Variants in NUP93 observed in about 807,000 individuals in gnomAD.
The protein encoded by NUP93 is nuclear pore complex protein Nup93.
A neutral mutation model predicts 107.8 loss-of-function variants in NUP93; 55 were observed. The observed-to-expected ratio is 0.51, with a 90% CI of 0.41 to 0.64. The LOEUF is 0.64. Ranked by LOEUF, NUP93 falls within the 30% of genes least tolerant of loss-of-function variation. The pLI is 0.00. For missense variants in NUP93, 937 were observed against 1,044.7 expected (o/e 0.90, Z 1.42); for synonymous variants, 390 against 397.5 (o/e 0.98, Z 0.22).
chr16:56,810,659 T>A lies in NUP93; in HGVS notation c.489+5027T>A, dbSNP rs185367309. Among the ~76,000 whole-genome samples the A allele has an allele frequency of 2.0e-3, 304 of 152,138 alleles. 1 individual carries two copies. Among genetic ancestry groups the A allele is most frequent in the African/African-American group, 6.9e-3 (287 of 41,510 alleles). On this transcript the variant is annotated intron_variant, in intron 5 of 21. Coordinates refer to ENST00000308159, the MANE Select transcript of NUP93 (RefSeq NM_014669.5). ...GACTCTGTCTCAAAAAATTAAAAAATTTTTAAAAAGTGTACAACTCAATGA... is the reference window on the plus strand; with the variant it reads ...GACTCTGTCTCAAAAAATTAAAAAAATTTTAAAAAGTGTACAACTCAATGA...
At position 56,832,350 on chromosome 16, in the gene NUP93, C is replaced by T; in HGVS notation, c.1307C>T (p.Thr436Ile). Residue 436 changes from threonine (T) to isoleucine (I), a missense_variant, in exon 12 of 22, where the codon ACT becomes ATT. Physicochemically the swap from Thr to Ile is moderately conservative, Grantham distance 89 (BLOSUM62 -1). Coordinates refer to ENST00000308159, the MANE Select transcript of NUP93 (RefSeq NM_014669.5). ...ACCAGCTCCCCACAAGACAGGCTCACTCTCTCACAGTTCCAGAAGCAGTTG... is the reference window on the plus strand; with the variant it reads ...ACCAGCTCCCCACAAGACAGGCTCATTCTCTCACAGTTCCAGAAGCAGTTG... The part of the protein sequence containing the change: ...DGTSSPQDRL[T>I]LSQFQKQLLE... The T allele has an allele frequency of 6.2e-7, 1 of 1,614,158 alleles. No individual in the cohort carries two copies. Among genetic ancestry groups the T allele is most frequent in the Non-Finnish European group, 8.5e-7 (1 of 1,179,976 alleles).
intron 3 of NUP93, among the ~76,000 whole-genome samples, chr16:56,792,567 A>T (rs1440190833): frequency 5.3e-5 from 8 of 152,254 alleles, no homozygotes; most frequent in Admixed American, 5.2e-4. Context: ...TTAAATCTCT[A>T]TTAAGGATAT....
intron 3 of NUP93, among the ~76,000 whole-genome samples, chr16:56,769,478 C>T (rs943525577): frequency 2.6e-5 from 4 of 152,092 alleles, no homozygotes; most frequent in African/African-American, 7.2e-5. Context: ...CTGCTTCATC[C>T]GTTTATCTCC....
At chr16:56,737,879 T>C (rs62036970) in intron 1 of NUP93, among the ~76,000 whole-genome samples, 41,118 of 152,170 alleles carry the variant, frequency 0.27, 5,749 homozygotes, top group Non-Finnish European at 0.29. Context: ...CAAAAATGTC[T>C]CTAGCTATTG....
chr16:56,827,777 G>T (rs779898529), intron 8 of NUP93, among the ~76,000 whole-genome samples: 1 of 152,216 alleles, frequency 6.6e-6, no homozygotes, highest in Non-Finnish European at 1.5e-5. Flanking sequence ...AGGAGATTGA[G>T]GGGGGAAGAT....
chr16:56,739,579 C>A (rs1186819510), intron 1 of NUP93, among the ~76,000 whole-genome samples: 2 of 91,454 alleles, frequency 2.2e-5, no homozygotes, highest in East Asian at 4.2e-4. Flanking sequence ...GGGGGGCTGA[C>A]CCCCCCACCT....
intron 20 of NUP93, among the ~76,000 whole-genome samples, chr16:56,841,351 C>T (rs1229459418): frequency 8.0e-6 from 1 of 125,614 alleles, no homozygotes; most frequent in Non-Finnish European, 1.8e-5. Context: ...TGCACCTGTA[C>T]CTCCTGACAT....
chr16:56,796,116 T>C (rs1422064478), intron 3 of NUP93, among the ~76,000 whole-genome samples: 1 of 152,054 alleles, frequency 6.6e-6, no homozygotes, highest in East Asian at 1.9e-4. Context: ...TAAATGTATA[T>C]CCCCAATATT....
intron 3 of NUP93, among the ~76,000 whole-genome samples, chr16:56,780,870 A>G (rs1219844828): frequency 6.6e-6 from 1 of 152,162 alleles, no homozygotes; most frequent in African/African-American, 2.4e-5. Context: ...CTGCACCATG[A>G]TGATGGCCCA....
rs532651457 is a variant in NUP93 at position 56,849,574 on chromosome 16, G to C, written c.*4965G>C. On this transcript the variant is annotated 3_prime_UTR_variant, in exon 22 of 22. Coordinates refer to ENST00000308159, the MANE Select transcript of NUP93 (RefSeq NM_014669.5). The stretch of plus-strand genomic sequence containing the variant: ...CAGACCTGGCCTAGGCAGGCTTTCA[G>C]GTGGCACCCAGGGGCTTTATGGCCT... 1 of 152,404 alleles carries C rather than the reference G, an allele frequency of 6.6e-6. No individual in the cohort carries two copies. The highest frequency in any genetic ancestry group is 2.1e-4 in the South Asian group (1 of 4,830). 9.4% of individuals were successfully genotyped at this position (152,404 alleles called of 1,614,324 possible).
chr16:56,730,331 C>T (rs1054852327), intron 1 of NUP93, 120 bp downstream of exon 1: 1 of 152,378 alleles, frequency 6.6e-6, no homozygotes, highest in South Asian at 2.1e-4. Context: ...TTCCCGTTCT[C>T]CTCATGGCAG....
chr16:56,773,076 A>G (rs1216172467), intron 3 of NUP93, among the ~76,000 whole-genome samples: 1 of 152,224 alleles, frequency 6.6e-6, no homozygotes, highest in Non-Finnish European at 1.5e-5. Flanking sequence ...CAGAGTAGAC[A>G]CAGTTTGAAT....
chr16:56,818,469 CTCTCTTCTCATGT>C (rs1963478265), intron 5 of NUP93, among the ~76,000 whole-genome samples, 182 bp from the exon 6 acceptor site: 1 of 152,194 alleles, frequency 6.6e-6, no homozygotes, highest in Admixed American at 6.5e-5. Context: ...CTCATGCCTG[CTCTCTTCTCATGT>C]GTTCATAGTA....
chr16:56,819,007 ACAGTAAAGCTT>A (rs1262781202), intron 6 of NUP93, among the ~76,000 whole-genome samples: 1 of 152,222 alleles, frequency 6.6e-6, no homozygotes, highest in Non-Finnish European at 1.5e-5. Flanking sequence ...AGTCCCATGT[ACAGTAAAGCTT>A]CAGGTAACTG....
intron 5 of NUP93, among the ~76,000 whole-genome samples, chr16:56,814,108 C>T (rs187396440): frequency 1.4e-4 from 22 of 152,268 alleles, no homozygotes; most frequent in Non-Finnish European, 2.8e-4. Flanking sequence ...AATTCTTTTC[C>T]GTCTGCAGTA....
At chr16:56,834,060 A>G in intron 13 of NUP93, 68 bp from the exon 14 acceptor site, 19 of 1,595,850 alleles carry the variant, frequency 1.2e-5, no homozygotes, top group Non-Finnish European at 1.6e-5. Context: ...TTCAGCTTCC[A>G]TAGTTTCTGG....
At chr16:56,834,594 A>G (rs1425999938) in intron 15 of NUP93, 140 bp from the exon 16 acceptor site, 2 of 1,101,712 alleles carry the variant, frequency 1.8e-6, no homozygotes, top group African/African-American at 3.2e-5. Flanking sequence ...GAAAATATTT[A>G]TTTCAGTCAC....
chr16:56,785,031 A>C (rs1206022511), intron 3 of NUP93, among the ~76,000 whole-genome samples: 1 of 152,220 alleles, frequency 6.6e-6, no homozygotes, highest in Admixed American at 6.5e-5. Flanking sequence ...AGATCTCAGC[A>C]TAATTTTTTA....
At chr16:56,803,457 A>G (rs1260106210) in intron 4 of NUP93, among the ~76,000 whole-genome samples, 2 of 151,710 alleles carry the variant, frequency 1.3e-5, no homozygotes, top group Non-Finnish European at 1.5e-5. Flanking sequence ...AGAAAAAAAT[A>G]ATAATAATAA....
Sources: allele counts gnomAD v4.1 joint callset (sites outside exome capture counted in the v4.1 genomes callset), GRCh38; gene constraint gnomAD v4.1.1; transcripts MANE v1.5; gene names NCBI Gene and HGNC (gene_info 2026-07-23, HGNC 2026-07-21).